Variants in EPHA6 observed in about 807,000 individuals in gnomAD.
The protein encoded by EPHA6 is ephrin type-A receptor 6.
EPHA6 carries 50 observed loss-of-function variants against 112.0 expected under a neutral mutation model. The ratio of observed to expected loss-of-function variants is 0.45; its 90% CI spans 0.36 to 0.56. The LOEUF (loss-of-function observed/expected upper bound fraction) is 0.56, where lower values mean the gene tolerates loss of function less well. Ranked by LOEUF, EPHA6 falls within the 20% of genes least tolerant of loss-of-function variation. EPHA6 has a pLI of 0.00. For missense variants in EPHA6, 1,280 were observed against 1,417.4 expected, an observed-to-expected ratio of 0.90 and a Z score of 1.56; for synonymous variants, 529 against 490.7, an observed-to-expected ratio of 1.08 and a Z score of -1.03.
rs1057072795 is a variant in EPHA6, at chr3:97,710,980, A to G, written c.2785-9281A>G. 1.1e-4 allele frequency among the ~76,000 whole-genome samples: 16 copies of G among 152,232 alleles called. 1 individual carries two copies. The highest frequency in any genetic ancestry group is 4.4e-5 in the Non-Finnish European group (3 of 68,046). ...TCTTTTCCTCAAATAATTATCATCCAACCATGGATAGAGATAGATGGTGTA... is the reference window on the plus strand; with the variant it reads ...TCTTTTCCTCAAATAATTATCATCCGACCATGGATAGAGATAGATGGTGTA... On this transcript the variant is annotated intron_variant, in intron 14 of 17. Transcript: ENST00000389672.
intron 15 of EPHA6, among the ~76,000 whole-genome samples, chr3:97,727,954 T>A: frequency 6.6e-6 from 1 of 151,956 alleles, no homozygotes; most frequent in East Asian, 1.9e-4. Flanking sequence ...TAAGGGAAAA[T>A]TTTTTTAACT....
chr3:97,589,063 G>A (rs2093518260), intron 11 of EPHA6, among the ~76,000 whole-genome samples: 2 of 152,076 alleles, frequency 1.3e-5, no homozygotes, highest in Admixed American at 1.3e-4. Context: ...TGGCCTGGGA[G>A]CCTCATGTGG....
chr3:97,140,913 A>G (rs2108351697), intron 3 of EPHA6, among the ~76,000 whole-genome samples: 1 of 152,166 alleles, frequency 6.6e-6, no homozygotes, highest in Middle Eastern at 3.4e-3. Flanking sequence ...AGATCCAATC[A>G]TTTGCTGCCT....
chr3:97,000,164 T>C lies in EPHA6; in HGVS notation c.1114+12171T>C, dbSNP rs188191439. On this transcript the variant is annotated intron_variant, in intron 3 of 17. Transcript: ENST00000389672. ...TATAGATTTTCATCTATCCAAAGCC[T>C]CCTGTTACACATCACCTGTCCCCTG... 5.1e-3 allele frequency among the ~76,000 whole-genome samples: 780 copies of C among 151,688 alleles called. 10 individuals are homozygous for C. Among genetic ancestry groups the C allele is most frequent in the African/African-American group, 0.017 (716 of 41,428 alleles).
intron 5 of EPHA6, among the ~76,000 whole-genome samples, chr3:97,294,107 G>A: frequency 6.6e-6 from 1 of 152,216 alleles, no homozygotes; most frequent in East Asian, 1.9e-4. Context: ...AGGCTTTCTG[G>A]GCCCCAAGAG....
At chr3:97,685,316 T>C (rs1223980213) in intron 14 of EPHA6, among the ~76,000 whole-genome samples, 4 of 152,210 alleles carry the variant, frequency 2.6e-5, no homozygotes, top group Non-Finnish European at 5.9e-5. Flanking sequence ...TTAATTCCTG[T>C]TGAATGCTTT....
At chr3:97,480,896 G>A (rs189993089) in intron 9 of EPHA6, among the ~76,000 whole-genome samples, 1 of 152,068 alleles carries the variant, frequency 6.6e-6, no homozygotes, top group Non-Finnish European at 1.5e-5. Flanking sequence ...GAGCAGAGGC[G>A]CTCCCCACAT....
chr3:97,534,465 T>C (rs1400696699), intron 11 of EPHA6, among the ~76,000 whole-genome samples: 1 of 149,218 alleles, frequency 6.7e-6, no homozygotes, highest in Admixed American at 6.7e-5. Context: ...CCCCCCTTTT[T>C]TTTTTTTTGC....
intron 3 of EPHA6, among the ~76,000 whole-genome samples, chr3:97,207,905 T>C (rs916132334): frequency 1.3e-5 from 2 of 152,096 alleles, no homozygotes; most frequent in African/African-American, 4.8e-5. Flanking sequence ...GGGTGAGAAA[T>C]AGTCATTGGG....
chr3:96,893,850 A>G (rs1205975553), intron 2 of EPHA6, among the ~76,000 whole-genome samples: 1 of 152,210 alleles, frequency 6.6e-6, no homozygotes, highest in Non-Finnish European at 1.5e-5. Context: ...GGTTGTTTAA[A>G]TGATTCAAGA....
chr3:97,638,128 G>GT (rs755398581), intron 14 of EPHA6, 46 bp downstream of exon 14: 3 of 1,382,870 alleles, frequency 2.2e-6, no homozygotes, highest in Non-Finnish European at 2.0e-6. Flanking sequence ...TACTTTTATT[G>GT]TTTTTAATGT....
intron 5 of EPHA6, among the ~76,000 whole-genome samples, chr3:97,403,146 C>A (rs776232876): frequency 6.6e-6 from 1 of 151,948 alleles, no homozygotes; most frequent in African/African-American, 2.4e-5. Context: ...CATAGTTACT[C>A]ATTTGCTTCA....
chr3:97,124,293 C>T (rs2048120669), intron 3 of EPHA6, among the ~76,000 whole-genome samples: 1 of 151,718 alleles, frequency 6.6e-6, no homozygotes, highest in Non-Finnish European at 1.5e-5. Flanking sequence ...TTAATCTGAT[C>T]ATCACCGAGA....
intron 5 of EPHA6, among the ~76,000 whole-genome samples, chr3:97,329,474 A>C (rs2082666772): frequency 6.8e-6 from 1 of 147,476 alleles, no homozygotes; most frequent in Non-Finnish European, 1.5e-5. Flanking sequence ...CCTCTCCAGC[A>C]CCTGTTGCTT....
intron 3 of EPHA6, among the ~76,000 whole-genome samples, chr3:97,098,940 G>T (rs2108254483): frequency 6.6e-6 from 1 of 151,962 alleles, no homozygotes; most frequent in Admixed American, 6.6e-5. Flanking sequence ...TTAACATTAA[G>T]AAAACACTTT....
intron 2 of EPHA6, among the ~76,000 whole-genome samples, chr3:96,965,496 G>A (rs946036191): frequency 6.6e-6 from 1 of 151,940 alleles, no homozygotes; most frequent in African/African-American, 2.4e-5. Flanking sequence ...TAACATCTGA[G>A]TATTTTAAAA....
intron 14 of EPHA6, among the ~76,000 whole-genome samples, chr3:97,718,607 C>T (rs547882432): frequency 2.9e-4 from 44 of 152,140 alleles, no homozygotes; most frequent in South Asian, 2.3e-3. Flanking sequence ...TATCTGGCTA[C>T]CCTACTTTGG....
intron 2 of EPHA6, among the ~76,000 whole-genome samples, chr3:96,883,844 A>C (rs766659164): frequency 3.6e-4 from 54 of 151,536 alleles, no homozygotes; most frequent in Non-Finnish European, 6.3e-4. Flanking sequence ...ATTTTTTTGT[A>C]TTTTTTTGGT....
At chr3:97,686,181 A>T (rs1302274175) in intron 14 of EPHA6, among the ~76,000 whole-genome samples, 1 of 152,176 alleles carries the variant, frequency 6.6e-6, no homozygotes, top group African/African-American at 2.4e-5. Context: ...AATTTCATGG[A>T]GAAAGATAAG....
Sources: allele counts gnomAD v4.1 joint callset (sites outside exome capture counted in the v4.1 genomes callset), GRCh38; gene constraint gnomAD v4.1.1; transcripts MANE v1.5; gene names NCBI Gene and HGNC (gene_info 2026-07-23, HGNC 2026-07-21).